Variants in CENPQ observed in about 807,000 individuals in gnomAD.
The protein encoded by CENPQ is chromosome 6 open reading frame 139.
A neutral mutation model predicts 36.6 loss-of-function variants in CENPQ; 27 were observed. The ratio of observed to expected loss-of-function variants is 0.74; its 90% CI spans 0.54 to 1.02. The LOEUF (loss-of-function observed/expected upper bound fraction) is 1.02, where lower values mean the gene tolerates loss of function less well. CENPQ is among the 50% of genes least tolerant of loss of function. The pLI, the probability that CENPQ is intolerant of heterozygous loss-of-function variation, is 0.00. For synonymous variants in CENPQ, 101 were observed against 101.7 expected, an observed-to-expected ratio of 0.99 and a Z score of 0.04; for missense variants, 306 against 301.8, an observed-to-expected ratio of 1.01 and a Z score of -0.10.
At chr6:49,480,427 A>C (rs1195831962) in intron 5 of CENPQ, among the ~76,000 whole-genome samples, 1 of 152,168 alleles carries the variant, frequency 6.6e-6, no homozygotes, top group Non-Finnish European at 1.5e-5. Context: ...CTTTGATCTT[A>C]GTGTTTTATT....
At chr6:49,465,969 C>A (rs1159249795) in intron 1 of CENPQ, among the ~76,000 whole-genome samples, 1 of 152,148 alleles carries the variant, frequency 6.6e-6, no homozygotes, top group African/African-American at 2.4e-5. Flanking sequence ...TTTTGACATG[C>A]CTACCTCACC....
chr6:49,467,734 C>T (rs1056798249), intron 1 of CENPQ, among the ~76,000 whole-genome samples: 15 of 151,828 alleles, frequency 9.9e-5, no homozygotes, highest in African/African-American at 3.6e-4. Flanking sequence ...ATTAATGGAC[C>T]CAAGCTATAA....
At chr6:49,470,495 T>A (rs2127423764) in intron 2 of CENPQ, among the ~76,000 whole-genome samples, 1 of 151,860 alleles carries the variant, frequency 6.6e-6, no homozygotes, top group Non-Finnish European at 1.5e-5. Flanking sequence ...GGTGCACACC[T>A]GTAATCTCAG....
chr6:49,486,017 G>A (rs376589237), intron 6 of CENPQ, among the ~76,000 whole-genome samples: 116 of 152,260 alleles, frequency 7.6e-4, no homozygotes, highest in African/African-American at 2.7e-3. Flanking sequence ...TCAAGATGAA[G>A]CATCCTGTAT....
rs1211869323 is a variant in CENPQ, at chr6:49,487,170, TA to T, written c.478-1174del. On this transcript the variant is annotated intron_variant, in intron 6 of 8. Coordinates refer to ENST00000335783, the MANE Select transcript of CENPQ (RefSeq NM_018132.4). Reference sequence around the variant, plus strand: ...CTCCATCTCAAAAAAAAAAAAAAAATAAAAAAAATAAAAACAGAGTCTGTTC... The same window carrying T: ...CTCCATCTCAAAAAAAAAAAAAAAATAAAAAAATAAAAACAGAGTCTGTTC... Among the ~76,000 whole-genome samples, 2 of 4,358 alleles carry T rather than the reference TA, an allele frequency of 4.6e-4. 1 individual carries two copies. 2.9% of individuals were successfully genotyped at this position (4,358 alleles called of 152,430 possible).
At chr6:49,488,194 T>C (rs1291102461) in intron 6 of CENPQ, among the ~76,000 whole-genome samples, 158 bp from the exon 7 acceptor site, 1 of 152,216 alleles carries the variant, frequency 6.6e-6, no homozygotes, top group Admixed American at 6.5e-5. Context: ...AAGAAGTCTC[T>C]TTTTTGAAAG....
chr6:49,476,896 C>T (rs867177846), intron 5 of CENPQ, among the ~76,000 whole-genome samples: 11 of 152,190 alleles, frequency 7.2e-5, no homozygotes, highest in Middle Eastern at 3.4e-3. Flanking sequence ...GTTAGAATGG[C>T]GATCATTAAA....
intron 1 of CENPQ, among the ~76,000 whole-genome samples, chr6:49,467,605 A>G (rs1431215296): frequency 6.6e-6 from 1 of 152,240 alleles, no homozygotes. Flanking sequence ...AAATTGCTAC[A>G]AAAGTTTCTA....
At chr6:49,470,324 C>A in intron 2 of CENPQ, 46 bp downstream of exon 2, 1 of 1,256,012 alleles carries the variant, frequency 8.0e-7, no homozygotes, top group Non-Finnish European at 1.1e-6. Context: ...TCAACTGTGG[C>A]CAAGCACTAT....
chr6:49,491,975 G>A (rs1352306021), intron 8 of CENPQ, among the ~76,000 whole-genome samples, 169 bp from the exon 9 acceptor site: 1 of 152,172 alleles, frequency 6.6e-6, no homozygotes, highest in African/African-American at 2.4e-5. Flanking sequence ...GAAAGGAGCA[G>A]GATGGGGAGA....
chr6:49,468,626 A>C (rs186511827), intron 1 of CENPQ, among the ~76,000 whole-genome samples: 5 of 152,280 alleles, frequency 3.3e-5, no homozygotes, highest in African/African-American at 1.2e-4. Context: ...AGCAAGAAGA[A>C]GTCAAAGTTG....
intron 1 of CENPQ, among the ~76,000 whole-genome samples, chr6:49,469,079 T>C (rs1214662984): frequency 6.6e-6 from 1 of 152,224 alleles, no homozygotes; most frequent in Non-Finnish European, 1.5e-5. Flanking sequence ...TTGTAACTGG[T>C]GTGATATGTG....
rs1001661654 is a variant in CENPQ, at chr6:49,492,291, T to C, written c.*16T>C. The C allele has an allele frequency of 3.2e-6, 5 of 1,559,336 alleles. No individual in the cohort carries two copies. The highest frequency in any genetic ancestry group is 4.3e-6 in the Non-Finnish European group (5 of 1,157,092). ...TGCATCTTAAAGAGTGTTTTTTTTT[T>C]AGATTGTTCCATATTAATTTAATGT... On this transcript the variant is annotated 3_prime_UTR_variant, in exon 9 of 9. Transcript: ENST00000335783.
At chr6:49,471,451 A>T (rs1457250194) in intron 3 of CENPQ, among the ~76,000 whole-genome samples, 1 of 152,192 alleles carries the variant, frequency 6.6e-6, no homozygotes, top group African/African-American at 2.4e-5. Flanking sequence ...TCACTGTTTC[A>T]TGGAAGGATT....
At chr6:49,483,514 G>A (rs1465671279) in intron 6 of CENPQ, among the ~76,000 whole-genome samples, 3 of 152,160 alleles carry the variant, frequency 2.0e-5, no homozygotes. Flanking sequence ...GGAACCCTCT[G>A]AGGGGGGAGG....
At chr6:49,490,255 T>C (rs1768688913) in intron 8 of CENPQ, among the ~76,000 whole-genome samples, 2 of 152,282 alleles carry the variant, frequency 1.3e-5, no homozygotes, top group South Asian at 4.1e-4. Context: ...GTAATTTTTC[T>C]ATCAGCACTT....
In CENPQ at chr6:49,479,417, G is replaced by GA. The variant is rs530089731; in HGVS notation, c.348-1530dup. On this transcript the variant is annotated intron_variant, in intron 5 of 8. Transcript: ENST00000335783. Reference sequence around the variant, plus strand: ...CACTAATTACTAGAGAAATGCAAATGAAAACCACAATGAGATACCATCTTA... The same window carrying GA: ...CACTAATTACTAGAGAAATGCAAATGAAAAACCACAATGAGATACCATCTTA... Among the ~76,000 whole-genome samples the GA allele has an allele frequency of 4.6e-5, 7 of 152,154 alleles. No homozygotes were observed. The East Asian group carries it at 1.4e-3, about 29-fold the overall frequency.
chr6:49,486,239 C>T (rs1768575842), intron 6 of CENPQ, among the ~76,000 whole-genome samples: 1 of 152,204 alleles, frequency 6.6e-6, no homozygotes. Flanking sequence ...CCTCTCTTGT[C>T]TTCAGAGGGA....
chr6:49,472,869 T>C lies in CENPQ; in HGVS notation c.347+11T>C, dbSNP rs1270545035. ...CTTCCTGAAGAAAAGGTAATACTAT[T>C]GCATAATTAAAATGATTAAAACATA... On this transcript the variant is annotated intron_variant, in intron 5 of 8. Coordinates refer to ENST00000335783, the MANE Select transcript of CENPQ (RefSeq NM_018132.4). 3 of 1,385,202 alleles carry C rather than the reference T, an allele frequency of 2.2e-6. No homozygotes were observed. Among genetic ancestry groups the C allele is most frequent in the African/African-American group, 1.5e-5 (1 of 67,432 alleles). The allele number at this position is 1,385,202 out of a possible 1,614,324, so 85.8% of individuals were successfully genotyped here. A position where few individuals can be genotyped will look rare whatever the true frequency, so the allele number is the denominator to read the frequency against.
Sources: gnomAD v4.1 joint callset for allele counts (sites outside exome capture counted in the v4.1 genomes callset) on GRCh38, gnomAD v4.1.1 for gene constraint, MANE v1.5 for transcripts, NCBI Gene and HGNC (gene_info 2026-07-23, HGNC 2026-07-21) for gene names.